Variants in CAPN2 observed in about 807,000 individuals in gnomAD.
CAPN2 encodes calpain-2 catalytic subunit.
Under a neutral mutation model 102.3 loss-of-function variants are expected in CAPN2, and 92 were observed. The observed-to-expected ratio is 0.90, with a 90% CI of 0.76 to 1.07. The LOEUF (loss-of-function observed/expected upper bound fraction) is 1.07, where lower values mean the gene tolerates loss of function less well. CAPN2 is among the 50% of genes least tolerant of loss of function. The probability of loss-of-function intolerance (pLI) is 0.00; values close to 1 mark genes in which losing one functional copy is unlikely to be tolerated. For missense variants in CAPN2, 800 were observed against 909.4 expected, an observed-to-expected ratio of 0.88 and a Z score of 1.55; for synonymous variants, 340 against 355.4, an observed-to-expected ratio of 0.96 and a Z score of 0.49.
chr1:223,772,062 G>T, intron 19 of CAPN2, 119 bp from the exon 20 acceptor site: 1 of 1,122,996 alleles, frequency 8.9e-7, no homozygotes, highest in Non-Finnish European at 1.4e-6. Flanking sequence ...TTACTAATTT[G>T]AGGGTGAGGA....
At chr1:223,768,841 T>G (rs2102816053) in intron 16 of CAPN2, among the ~76,000 whole-genome samples, 1 of 152,086 alleles carries the variant, frequency 6.6e-6, no homozygotes, top group South Asian at 2.1e-4. Context: ...CTTCCATTTG[T>G]TTGTATCCTC....
Position 223,774,984 on chromosome 1 carries a change from A to G in CAPN2, c.*127A>G. On this transcript the variant is annotated 3_prime_UTR_variant, in exon 21 of 21. Coordinates refer to ENST00000295006, the MANE Select transcript of CAPN2 (RefSeq NM_001748.5). ...AACATTTACTTAAACGGATGATCAT[A>G]GCTGAAAATAATGATACTGTCAATT... is the stretch of plus-strand genomic sequence containing the variant. 1.3e-6 allele frequency: 1 copy of G among 784,212 alleles called. No individual in the cohort carries two copies. Among genetic ancestry groups the G allele is most frequent in the East Asian group, 2.5e-5 (1 of 40,652 alleles). 48.6% of individuals were successfully genotyped at this position (784,212 alleles called of 1,614,324 possible).
chr1:223,714,352 G>A (rs1289084620), intron 1 of CAPN2, among the ~76,000 whole-genome samples: 1 of 152,148 alleles, frequency 6.6e-6, no homozygotes, highest in South Asian at 2.1e-4. Context: ...TGACAACACT[G>A]ATTGAGCACC....
chr1:223,757,481 G>T, intron 11 of CAPN2, 101 bp downstream of exon 11: 1 of 1,356,662 alleles, frequency 7.4e-7, no homozygotes, highest in Non-Finnish European at 1.1e-6. Flanking sequence ...GCAGGGGCTG[G>T]TGGTCATGAA....
intron 1 of CAPN2, among the ~76,000 whole-genome samples, chr1:223,707,283 T>A (rs1214214438): frequency 6.6e-6 from 1 of 152,094 alleles, no homozygotes; most frequent in Non-Finnish European, 1.5e-5. Flanking sequence ...TCTATCTCTC[T>A]CTCTCACTCC....
intron 1 of CAPN2, among the ~76,000 whole-genome samples, chr1:223,705,810 A>C (rs1659591585): frequency 6.6e-6 from 1 of 152,266 alleles, no homozygotes; most frequent in Non-Finnish European, 1.5e-5. Context: ...ATTGCTGCTG[A>C]TGATAACAAT....
At chr1:223,771,307 C>T (rs567058238) in intron 18 of CAPN2, 1 of 154,316 alleles carries the variant, frequency 6.5e-6, no homozygotes, top group African/African-American at 2.4e-5. Flanking sequence ...ATCCCACCAG[C>T]CAGACTCTGA....
At chr1:223,751,625 G>A (rs528264489) in intron 7 of CAPN2, among the ~76,000 whole-genome samples, 12 of 130,854 alleles carry the variant, frequency 9.2e-5, no homozygotes, top group South Asian at 2.1e-4. Flanking sequence ...GGCCTCAGCC[G>A]GAGGCTCCTC....
At chr1:223,707,128 C>A (rs1191452259) in intron 1 of CAPN2, among the ~76,000 whole-genome samples, 1 of 151,278 alleles carries the variant, frequency 6.6e-6, no homozygotes, top group Non-Finnish European at 1.5e-5. Context: ...GCCTCTGATG[C>A]ATCTCAAACA....
intron 14 of CAPN2, among the ~76,000 whole-genome samples, chr1:223,763,891 G>T (rs1384585038): frequency 6.6e-6 from 1 of 152,126 alleles, no homozygotes; most frequent in Non-Finnish European, 1.5e-5. Context: ...AGTGAGCTAG[G>T]ATCATTCCAC....
At chr1:223,718,801 GCTA>G (rs1659952703) in intron 2 of CAPN2, among the ~76,000 whole-genome samples, 1 of 152,188 alleles carries the variant, frequency 6.6e-6, no homozygotes, top group Non-Finnish European at 1.5e-5. Context: ...GCTGATAACA[GCTA>G]ATATGTATCT....
chr1:223,759,808 T>C lies in CAPN2; in HGVS notation c.1529+327T>C, dbSNP rs1456145357. ...TAAACTACGAATCCAGTCTCGTCAT[T>C]TGAAGAAAGCTGAGCAGTGCTGGTG... On this transcript the variant is annotated intron_variant, in intron 12 of 20. Coordinates refer to ENST00000295006, the MANE Select transcript of CAPN2 (RefSeq NM_001748.5). The surrounding 1 kb of genome is among the most constrained non-coding windows in gnomAD (Gnocchi z 4.6). 2.6e-5 allele frequency among the ~76,000 whole-genome samples: 4 copies of C among 152,188 alleles called. No homozygotes were observed. Among genetic ancestry groups the C allele is most frequent in the Non-Finnish European group, 2.9e-5 (2 of 68,024 alleles).
chr1:223,720,503 G>T (rs1463565999), intron 2 of CAPN2, among the ~76,000 whole-genome samples: 1 of 151,662 alleles, frequency 6.6e-6, no homozygotes, highest in African/African-American at 2.4e-5. Context: ...TTTTTGTATA[G>T]ACCGGGTCTT....
In CAPN2 at chr1:223,752,931, C is replaced by A. The variant is rs377763395; in HGVS notation, c.1110C>A (p.Thr370=). Residue 370 remains threonine (T), a synonymous_variant, in exon 9 of 21, where the codon ACC becomes ACA. Transcript: ENST00000295006. ...KMDGNWRRGS[T]AGGCRNYPNT... The stretch of plus-strand genomic sequence containing the variant: ...ATGGGAACTGGAGGCGGGGCTCCAC[C>A]GCGGGAGGTTGCAGGAACTACCCGA... 6.2e-7 allele frequency: 1 copy of A among 1,614,122 alleles called. No individual in the cohort carries two copies. Among genetic ancestry groups the A allele is most frequent in the South Asian group, 1.1e-5 (1 of 91,080 alleles).
At chr1:223,774,227 C>T (rs1196662039) in intron 20 of CAPN2, among the ~76,000 whole-genome samples, 2 of 151,792 alleles carry the variant, frequency 1.3e-5, no homozygotes, top group Non-Finnish European at 2.9e-5. Flanking sequence ...CGAGAAGCAT[C>T]TTCTTACCCA....
intron 2 of CAPN2, among the ~76,000 whole-genome samples, chr1:223,733,926 A>G (rs1660388808): frequency 6.6e-6 from 1 of 152,232 alleles, no homozygotes; most frequent in South Asian, 2.1e-4. Flanking sequence ...GTTCCCTGAG[A>G]GAACTGACAG....
rs1179104810 is a variant in CAPN2, at chr1:223,770,078, A to AAAACG, written c.1824+173_1824+174insGAAAC. ...GATGGGGCTGAGGAAATGCAAACAA[A>AAAACG]AAACCAACCAGGACTTCGCAGGTGA... On this transcript the variant is annotated intron_variant, in intron 17 of 20. Transcript: ENST00000295006. 3 of 648,234 alleles carry AAAACG rather than the reference A, an allele frequency of 4.6e-6. No homozygotes were observed. The African/African-American group carries it at 5.5e-5, about 12-fold the overall frequency. 40.2% of individuals were successfully genotyped at this position (648,234 alleles called of 1,614,324 possible). A position where few individuals can be genotyped will look rare whatever the true frequency, so the allele number is the denominator to read the frequency against.
chr1:223,764,500 C>G (rs1279485742), intron 15 of CAPN2, among the ~76,000 whole-genome samples: 2 of 152,148 alleles, frequency 1.3e-5, no homozygotes, highest in East Asian at 3.8e-4. Context: ...GTCGCCCAGG[C>G]TGGAGTAAAG....
At chr1:223,757,557 A>G (rs959775559) in intron 11 of CAPN2, 177 bp downstream of exon 11, 13 of 652,300 alleles carry the variant, frequency 2.0e-5, no homozygotes, top group Non-Finnish European at 3.2e-5. Flanking sequence ...CACTGGTCTA[A>G]GCTCTGGGCA....
Sources: gnomAD v4.1 joint callset for allele counts (sites outside exome capture counted in the v4.1 genomes callset) on GRCh38, gnomAD v4.1.1 for gene constraint, Gnocchi (gnomAD v3.1) non-coding constraint, MANE v1.5 for transcripts, NCBI Gene and HGNC (gene_info 2026-07-23, HGNC 2026-07-21) for gene names.